MYO1E: variants seen among roughly 807,000 people sequenced by gnomAD.
The protein encoded by MYO1E is myosin IE.
In MYO1E, 68 loss-of-function variants were observed where a neutral mutation model predicts 151.1. That is an observed-to-expected ratio of 0.45 (90% CI 0.37 to 0.55). The LOEUF (loss-of-function observed/expected upper bound fraction) is 0.55, where lower values mean the gene tolerates loss of function less well. Ranked by LOEUF, MYO1E falls within the 20% of genes least tolerant of loss-of-function variation. The pLI, the probability that MYO1E is intolerant of heterozygous loss-of-function variation, is 0.00. For missense variants in MYO1E, 1,363 were observed against 1,389.3 expected (o/e 0.98, Z 0.30); for synonymous variants, 601 against 501.7 (o/e 1.20, Z -2.64).
chr15:59,237,829 TCAAAA>T (rs1325549949), intron 4 of MYO1E, among the ~76,000 whole-genome samples: 10 of 152,148 alleles, frequency 6.6e-5, no homozygotes, highest in Non-Finnish European at 2.9e-5. Flanking sequence ...ATTTTACATT[TCAAAA>T]CAAAACAAAA....
intron 12 of MYO1E, 93 bp from the exon 13 acceptor site, chr15:59,210,693 AG>A: frequency 1.2e-6 from 1 of 857,420 alleles, no homozygotes; most frequent in South Asian, 1.4e-5. Context: ...CCCATAAAAG[AG>A]AAAAACCTGA....
At chr15:59,236,522 G>A in intron 5 of MYO1E, 63 bp downstream of exon 5, 2 of 1,405,918 alleles carry the variant, frequency 1.4e-6, no homozygotes, top group Non-Finnish European at 2.0e-6. Context: ...TTTTCTAACA[G>A]CAAATGGAGC....
Position 59,195,461 on chromosome 15 carries a change from C to G in MYO1E, c.1805G>C (p.Arg602Thr). 6.2e-7 allele frequency: 1 copy of G among 1,612,228 alleles called. No individual in the cohort carries two copies. Among genetic ancestry groups the G allele is most frequent in the Non-Finnish European group, 8.5e-7 (1 of 1,178,252 alleles). ...CACCTAAGCCGGTTTCCCCCGATACCTGCTTTCCTCCCAGTCTCTGGGCTT... is the reference window on the plus strand; with the variant it reads ...CACCTAAGCCGGTTTCCCCCGATACGTGCTTTCCTCCCAGTCTCTGGGCTT... ...TKKPRDWEES[R>T]VKHQVEYLGL... The change falls in exon 17 of 28, where the codon AGG becomes ACG. Residue 602 changes from arginine to threonine, a missense_variant and splice_region_variant. By Grantham distance (71) the Arg-to-Thr change is moderately conservative (BLOSUM62 -1). Transcript: ENST00000288235.
rs1478497075 is a variant in MYO1E, at chr15:59,355,305, A to G, written c.3+17193T>C. Among the ~76,000 whole-genome samples the G allele has an allele frequency of 7.2e-5, 11 of 152,014 alleles. No individual in the cohort carries two copies. In the South Asian group the frequency reaches 2.3e-3, roughly 32 times the overall value. On this transcript the variant is annotated intron_variant, in intron 1 of 27. Coordinates refer to ENST00000288235, the MANE Select transcript of MYO1E (RefSeq NM_004998.4). ...GCCCCAATTTACCTTGCCTGTCTCAACTCCTCCATTCCTTGTCTACAAGCC... is the reference window on the plus strand; with the variant it reads ...GCCCCAATTTACCTTGCCTGTCTCAGCTCCTCCATTCCTTGTCTACAAGCC...
chr15:59,305,438 G>A (rs1166660615), intron 1 of MYO1E, among the ~76,000 whole-genome samples: 8 of 151,942 alleles, frequency 5.3e-5, no homozygotes, highest in Non-Finnish European at 7.4e-5. Context: ...CAAGTGATCC[G>A]CCCACCTCAG....
chr15:59,272,494 C>T (rs1448684341), intron 1 of MYO1E, 45 bp from the exon 2 acceptor site: 2 of 1,601,006 alleles, frequency 1.2e-6, no homozygotes, highest in South Asian at 2.2e-5. Context: ...TTGTTTTCCC[C>T]TGTAGTAACA....
intron 2 of MYO1E, among the ~76,000 whole-genome samples, chr15:59,268,152 T>C (rs2080267587): frequency 2.0e-5 from 3 of 152,210 alleles, no homozygotes; most frequent in Admixed American, 2.0e-4. Context: ...TGCCATTCTA[T>C]TATAATATTC....
At chr15:59,275,447 CCTCT>C (rs1384487069) in intron 1 of MYO1E, among the ~76,000 whole-genome samples, 3 of 152,124 alleles carry the variant, frequency 2.0e-5, no homozygotes, top group Non-Finnish European at 2.9e-5. Flanking sequence ...TCTCTCCCTC[CCTCT>C]GCCAGGCAAT....
At chr15:59,281,717 T>G (rs1048425450) in intron 1 of MYO1E, among the ~76,000 whole-genome samples, 3 of 152,202 alleles carry the variant, frequency 2.0e-5, no homozygotes, top group Non-Finnish European at 4.4e-5. Context: ...CTTAATAATT[T>G]TGATTAAACC....
At chr15:59,298,908 C>A (rs1482780603) in intron 1 of MYO1E, among the ~76,000 whole-genome samples, 2 of 152,312 alleles carry the variant, frequency 1.3e-5, no homozygotes, top group Middle Eastern at 3.4e-3. Flanking sequence ...TAAACATTTT[C>A]TTTTTGCTAA....
At chr15:59,356,193 G>T (rs1416477679) in intron 1 of MYO1E, among the ~76,000 whole-genome samples, 1 of 152,154 alleles carries the variant, frequency 6.6e-6, no homozygotes, top group African/African-American at 2.4e-5. Flanking sequence ...ACTGCAGATT[G>T]CTTTCTACTG....
At chr15:59,276,263 G>A (rs2080318307) in intron 1 of MYO1E, among the ~76,000 whole-genome samples, 1 of 152,088 alleles carries the variant, frequency 6.6e-6, no homozygotes, top group South Asian at 2.1e-4. Context: ...TGTTTATTGG[G>A]CTACTACTTC....
At chr15:59,332,523 T>A (rs1199234459) in intron 1 of MYO1E, among the ~76,000 whole-genome samples, 1 of 152,150 alleles carries the variant, frequency 6.6e-6, no homozygotes, top group East Asian at 1.9e-4. Flanking sequence ...ATTACTAACC[T>A]GACAGCAGCA....
At chr15:59,238,420 T>C (rs1361496737) in intron 4 of MYO1E, among the ~76,000 whole-genome samples, 1 of 152,236 alleles carries the variant, frequency 6.6e-6, no homozygotes, top group Non-Finnish European at 1.5e-5. Flanking sequence ...AAAGAGTATG[T>C]AGCAACATAA....
chr15:59,217,757 G>C, intron 10 of MYO1E, 134 bp downstream of exon 10: 1 of 998,182 alleles, frequency 1.0e-6, no homozygotes, highest in South Asian at 1.3e-5. Flanking sequence ...CAAACTCCTG[G>C]GCTGCAGTGA....
At chr15:59,217,064 C>T (rs1333935558) in intron 10 of MYO1E, among the ~76,000 whole-genome samples, 1 of 152,154 alleles carries the variant, frequency 6.6e-6, no homozygotes, top group Non-Finnish European at 1.5e-5. Flanking sequence ...CAGCCAGATC[C>T]TCCAACCCTA....
chr15:59,311,697 T>G (rs1017888), intron 1 of MYO1E, among the ~76,000 whole-genome samples: 95,352 of 151,984 alleles, frequency 0.63, 30,611 homozygotes, highest in Middle Eastern at 0.74. Flanking sequence ...CCAAAGTTCA[T>G]GTGCTGAAAA....
chr15:59,152,618 C>G (rs2140306415), intron 26 of MYO1E, among the ~76,000 whole-genome samples: 1 of 152,194 alleles, frequency 6.6e-6, no homozygotes, highest in East Asian at 1.9e-4. Flanking sequence ...CGCCTGCATG[C>G]CAAGTACCAT....
At chr15:59,229,353 C>A (rs1455187259) in intron 6 of MYO1E, among the ~76,000 whole-genome samples, 2 of 152,130 alleles carry the variant, frequency 1.3e-5, no homozygotes, top group Admixed American at 6.5e-5. Context: ...TCAAAAAGCA[C>A]CCAGCTGATT....
Sources: allele counts gnomAD v4.1 joint callset (sites outside exome capture counted in the v4.1 genomes callset), GRCh38; gene constraint gnomAD v4.1.1; transcripts MANE v1.5; gene names NCBI Gene and HGNC (gene_info 2026-07-23, HGNC 2026-07-21).